Variants in SLC28A3 observed in about 807,000 individuals in gnomAD.
SLC28A3 encodes solute carrier family 28 member 3.
A neutral mutation model predicts 84.2 loss-of-function variants in SLC28A3; 68 were observed. That is an observed-to-expected ratio of 0.81 (90% confidence interval 0.66 to 0.99). The LOEUF (loss-of-function observed/expected upper bound fraction) is 0.99. SLC28A3 is among the 50% of genes least tolerant of loss of function. SLC28A3 has a pLI of 0.00. For synonymous variants in SLC28A3, 267 were observed against 303.6 expected, an observed-to-expected ratio of 0.88 and a Z score of 1.25; for missense variants, 712 against 841.5, an observed-to-expected ratio of 0.85 and a Z score of 1.90.
chr9:84,365,615 A>C, the SLC28A3 span, among the ~76,000 whole-genome samples: 1 of 152,164 alleles, frequency 6.6e-6, no homozygotes, highest in Non-Finnish European at 1.5e-5. Context: ...CTTTTCTTGT[A>C]GTAGTTTCAT....
intron 1 of SLC28A3, among the ~76,000 whole-genome samples, chr9:84,328,346 A>G (rs186253478): frequency 5.3e-5 from 8 of 151,788 alleles, no homozygotes; most frequent in Non-Finnish European, 1.5e-5. Context: ...AAAAAAAAAA[A>G]CATGATCTGG....
At chr9:84,347,680 G>T in the SLC28A3 span, among the ~76,000 whole-genome samples, 1 of 152,182 alleles carries the variant, frequency 6.6e-6, no homozygotes, top group Admixed American at 6.5e-5. Context: ...GTGCTTAGGT[G>T]AGGGGATTCC....
At chr9:84,301,319 C>T (rs1233395459) in intron 5 of SLC28A3, among the ~76,000 whole-genome samples, 14 of 123,892 alleles carry the variant, frequency 1.1e-4, no homozygotes, top group Non-Finnish European at 1.6e-4. Flanking sequence ...CACTGCACTC[C>T]AGTCTGGGTG....
At chr9:84,340,061 C>T (rs149291996) in intron 1 of SLC28A3, among the ~76,000 whole-genome samples, 3 of 152,148 alleles carry the variant, frequency 2.0e-5, no homozygotes, top group South Asian at 4.1e-4. Flanking sequence ...TATGTCTCTG[C>T]GGGCACCCAG....
At chr9:84,279,110 G>T (rs892317764) in intron 17 of SLC28A3, among the ~76,000 whole-genome samples, 155 bp downstream of exon 17, 1 of 148,862 alleles carries the variant, frequency 6.7e-6, no homozygotes, top group Non-Finnish European at 1.5e-5. Flanking sequence ...AAATTAAGTC[G>T]ATGAGTGAGC....
the SLC28A3 span, among the ~76,000 whole-genome samples, chr9:84,348,593 A>G: frequency 6.6e-6 from 1 of 152,286 alleles, no homozygotes; most frequent in South Asian, 2.1e-4. Context: ...TGTGGATTGA[A>G]TATGTCCCAC....
At chr9:84,326,817 C>T (rs1210164907) in intron 1 of SLC28A3, among the ~76,000 whole-genome samples, 1 of 152,062 alleles carries the variant, frequency 6.6e-6, no homozygotes, top group Non-Finnish European at 1.5e-5. Context: ...ACCAGCCTGG[C>T]CAACACGGTG....
At chr9:84,353,143 AT>A in the SLC28A3 span, among the ~76,000 whole-genome samples, 2 of 152,180 alleles carry the variant, frequency 1.3e-5, no homozygotes, top group Non-Finnish European at 2.9e-5. Flanking sequence ...GTCTGACATT[AT>A]AAAAAAAAGA....
At chr9:84,340,934 TGTG>T (rs1377455947), upstream of SLC28A3, among the ~76,000 whole-genome samples, 2 of 151,950 alleles carry the variant, frequency 1.3e-5, no homozygotes, top group Non-Finnish European at 2.9e-5. Context: ...AGAAAACTCT[TGTG>T]GTGCACAAAA....
intron 17 of SLC28A3, 72 bp from the exon 18 acceptor site, chr9:84,278,416 A>G (rs995580754): frequency 4.9e-5 from 77 of 1,583,368 alleles, no homozygotes; most frequent in Middle Eastern, 1.7e-4. Context: ...AGACAATGAC[A>G]TTAAAAATAG....
At chr9:84,314,799 C>G (rs549704434) in intron 1 of SLC28A3, among the ~76,000 whole-genome samples, 1 of 152,332 alleles carries the variant, frequency 6.6e-6, no homozygotes, top group South Asian at 2.1e-4. Context: ...ACAGCATGGG[C>G]TGGGTGTGGT....
intron 1 of SLC28A3, among the ~76,000 whole-genome samples, chr9:84,321,161 C>T (rs745400996): frequency 2.0e-5 from 3 of 151,984 alleles, no homozygotes; most frequent in Admixed American, 6.6e-5. Context: ...ATCCTCTCAC[C>T]AGCACAACAC....
intron 10 of SLC28A3, among the ~76,000 whole-genome samples, chr9:84,291,066 T>A (rs1486104724): frequency 6.6e-6 from 1 of 152,158 alleles, no homozygotes; most frequent in Non-Finnish European, 1.5e-5. Flanking sequence ...AAATTGAACA[T>A]CACAGAAGCT....
At chr9:84,320,939 C>G (rs1453500840) in intron 1 of SLC28A3, among the ~76,000 whole-genome samples, 1 of 146,726 alleles carries the variant, frequency 6.8e-6, no homozygotes, top group African/African-American at 2.6e-5. Context: ...GAACTCCAGC[C>G]TGGGCGACAA....
At chr9:84,299,095 T>A (rs1825526726) in intron 6 of SLC28A3, among the ~76,000 whole-genome samples, 1 of 152,224 alleles carries the variant, frequency 6.6e-6, no homozygotes, top group Non-Finnish European at 1.5e-5. Context: ...GTCTCAGAAT[T>A]CTTGCCCATT....
intron 6 of SLC28A3, 139 bp downstream of exon 6, chr9:84,299,442 C>T (rs1034858924): frequency 9.3e-7 from 1 of 1,074,682 alleles, no homozygotes. Flanking sequence ...AGATAGGGCA[C>T]CCTGGTCACG....
chr9:84,320,708 G>A (rs931215110), intron 1 of SLC28A3, among the ~76,000 whole-genome samples: 3 of 152,128 alleles, frequency 2.0e-5, no homozygotes, highest in East Asian at 3.9e-4. Context: ...AAAAGTTGTC[G>A]GCTGGGCGCA....
chr9:84,357,177 T>G, the SLC28A3 span, among the ~76,000 whole-genome samples: 146 of 152,268 alleles, frequency 9.6e-4, 1 homozygote, highest in South Asian at 0.015. Flanking sequence ...TTAATAGATA[T>G]CAGTTTAATT....
rs11568387 is a variant in SLC28A3, at chr9:84,290,111, GA to G, written c.1149+42del. 2.4e-4 allele frequency: 384 copies of G among 1,598,384 alleles called. 4 individuals carry two copies. The East Asian group carries it at 8.3e-3, about 35-fold the overall frequency. On this transcript the variant is annotated intron_variant, in intron 11 of 17. Coordinates refer to ENST00000376238, the MANE Select transcript of SLC28A3 (RefSeq NM_001199633.2). Reference sequence around the variant, plus strand: ...AAAGAAAAGAAATAACAATAATAAAGAAAGAAGAGGTTGGTGTTTTCATAAT... The same window carrying G: ...AAAGAAAAGAAATAACAATAATAAAGAAGAAGAGGTTGGTGTTTTCATAAT...
Sources: gnomAD v4.1 joint callset for allele counts (sites outside exome capture counted in the v4.1 genomes callset) on GRCh38, gnomAD v4.1.1 for gene constraint, MANE v1.5 for transcripts, NCBI Gene and HGNC (gene_info 2026-07-23, HGNC 2026-07-21) for gene names.